The following ABCB7 variants were observed in gnomAD, a reference collection of about 807,000 sequenced individuals.
The protein encoded by ABCB7 is ATP binding cassette subfamily B member 7.
Under a neutral mutation model 54.4 loss-of-function variants are expected in ABCB7, and 7 were observed. That is an observed-to-expected ratio of 0.13 (90% CI 0.07 to 0.24). ABCB7 has a LOEUF of 0.24. ABCB7 is among the 10% of genes least tolerant of loss of function. The probability of loss-of-function intolerance (pLI) is 1.00; values close to 1 mark genes in which losing one functional copy is unlikely to be tolerated. For missense variants in ABCB7, 356 were observed against 570.4 expected (o/e 0.62, Z 3.83); for synonymous variants, 218 against 207.1 (o/e 1.05, Z -0.45).
At chrX:75,118,753 G>A (rs915849384) in intron 1 of ABCB7, among the ~76,000 whole-genome samples, 1 of 111,718 alleles carries the variant, frequency 9.0e-6, no homozygotes, top group Non-Finnish European at 1.9e-5. Context: ...GCTCTGCTCT[G>A]CAGGTTTGGA....
chrX:75,086,861 G>A (rs970050886), intron 4 of ABCB7, among the ~76,000 whole-genome samples: 2 of 111,658 alleles, frequency 1.8e-5, no homozygotes, highest in African/African-American at 6.5e-5. Context: ...AGATGGTGAC[G>A]AAAACAACCT....
intron 1 of ABCB7, among the ~76,000 whole-genome samples, chrX:75,132,729 C>G (rs1302814913): frequency 8.9e-6 from 1 of 112,592 alleles, no homozygotes; most frequent in African/African-American, 3.2e-5. Context: ...AACTTCAACA[C>G]CAAAAATACC....
chrX:75,066,397 G>A (rs2147457796), intron 12 of ABCB7, among the ~76,000 whole-genome samples: 1 of 111,434 alleles, frequency 9.0e-6, no homozygotes, highest in African/African-American at 3.2e-5. Flanking sequence ...TAAGCTCATT[G>A]TATAAACAGA....
intron 10 of ABCB7, 144 bp from the exon 11 acceptor site, chrX:75,069,598 C>A: frequency 1.6e-6 from 1 of 619,751 alleles, no homozygotes; most frequent in Non-Finnish European, 2.5e-6. Flanking sequence ...TCCAAGCATG[C>A]ATTTAAAGAT....
At chrX:75,125,703 C>T (rs956083924) in intron 1 of ABCB7, among the ~76,000 whole-genome samples, 20 of 111,180 alleles carry the variant, frequency 1.8e-4, no homozygotes, top group Non-Finnish European at 2.6e-4. Context: ...ATTATCTCCC[C>T]GTGGTCTTAC....
chrX:75,064,927 T>C lies in ABCB7; in HGVS notation c.1831+143A>G, dbSNP rs769867049. On this transcript the variant is annotated intron_variant, in intron 13 of 15. Transcript: ENST00000373394. ...ATGTTGAATTGGTTATAGTGAGGGC[T>C]AGGAGATTAGTAACCCAATCAAATG... 4 of 676,447 alleles carry C rather than the reference T, an allele frequency of 5.9e-6. No homozygotes were observed. The East Asian group carries it at 1.4e-4, about 24-fold the overall frequency. 55.7% of individuals were successfully genotyped at this position (676,447 alleles called of 1,213,427 possible). A position where few individuals can be genotyped will look rare whatever the true frequency, so the allele number is the denominator to read the frequency against.
intron 15 of ABCB7, among the ~76,000 whole-genome samples, chrX:75,057,057 T>C (rs1219707813): frequency 8.9e-6 from 1 of 112,231 alleles, no homozygotes; most frequent in Non-Finnish European, 1.9e-5. Flanking sequence ...GTATTCAATT[T>C]TTATTTTTCC....
At chrX:75,137,504 T>C (rs2082018824) in intron 1 of ABCB7, among the ~76,000 whole-genome samples, 1 of 112,427 alleles carries the variant, frequency 8.9e-6, no homozygotes, top group South Asian at 3.7e-4. Context: ...AGAATTACCA[T>C]TCGATCCAGC....
chrX:75,099,700 C>A (rs2081622498), intron 3 of ABCB7, among the ~76,000 whole-genome samples: 2 of 110,791 alleles, frequency 1.8e-5, no homozygotes. Context: ...TTACTTTCAG[C>A]TTTAAAGGCA....
chrX:75,118,552 G>A (rs1264050482), intron 1 of ABCB7, among the ~76,000 whole-genome samples: 2 of 110,408 alleles, frequency 1.8e-5, no homozygotes, highest in Admixed American at 1.9e-4. Context: ...GAAACTTCAG[G>A]ACTAAGAAGT....
intron 4 of ABCB7, among the ~76,000 whole-genome samples, chrX:75,084,562 G>C (rs1414247034): frequency 7.2e-5 from 8 of 111,333 alleles, no homozygotes; most frequent in Non-Finnish European, 1.5e-4. Flanking sequence ...TAATGACCTT[G>C]AGTTAGGCAA....
chrX:75,065,553 T>C (rs2081311760), intron 12 of ABCB7, among the ~76,000 whole-genome samples: 1 of 111,814 alleles, frequency 8.9e-6, no homozygotes, highest in African/African-American at 3.3e-5. Context: ...TAACATATCA[T>C]AGAGATTGTC....
intron 3 of ABCB7, among the ~76,000 whole-genome samples, chrX:75,104,047 G>GTTTTTTTGTTT (rs2081663659): frequency 2.2e-4 from 3 of 13,443 alleles, no homozygotes; most frequent in African/African-American, 4.8e-4. Context: ...TCTTGTTACA[G>GTTTTTTTGTTT]TTTTTTTTTT....
chrX:75,154,877 G>A (rs1414266039), intron 1 of ABCB7, among the ~76,000 whole-genome samples: 4 of 109,345 alleles, frequency 3.7e-5, no homozygotes, highest in African/African-American at 1.3e-4. Flanking sequence ...GTTTGCTCCT[G>A]TAGAGGTGTT....
chrX:75,085,167 T>C (rs1442685253), intron 4 of ABCB7, among the ~76,000 whole-genome samples: 1 of 112,296 alleles, frequency 8.9e-6, no homozygotes, highest in Admixed American at 9.4e-5. Context: ...GCTCTAGTTA[T>C]AATCTATAAT....
At chrX:75,120,474 TG>T (rs2081867278) in intron 1 of ABCB7, among the ~76,000 whole-genome samples, 2 of 109,689 alleles carry the variant, frequency 1.8e-5, no homozygotes, top group Non-Finnish European at 3.8e-5. Context: ...CCGGGTGTGG[TG>T]GTGGGTGCCT....
intron 1 of ABCB7, among the ~76,000 whole-genome samples, chrX:75,126,728 C>T (rs1236872830): frequency 9.0e-6 from 1 of 111,265 alleles, no homozygotes; most frequent in East Asian, 2.8e-4. Flanking sequence ...AAGGGGATAT[C>T]ACCACTGATT....
At chrX:75,099,754 T>C (rs1483258267) in intron 3 of ABCB7, among the ~76,000 whole-genome samples, 1 of 110,940 alleles carries the variant, frequency 9.0e-6, no homozygotes, top group Non-Finnish European at 1.9e-5. Flanking sequence ...CCAAACTAAG[T>C]AGACCAATAC....
At chrX:75,064,121 T>C (rs2147454619) in intron 13 of ABCB7, among the ~76,000 whole-genome samples, 1 of 111,797 alleles carries the variant, frequency 8.9e-6, no homozygotes, top group East Asian at 2.8e-4. Flanking sequence ...CCCAATCAAC[T>C]TAACTTGGAA....
Sources: allele counts gnomAD v4.1 joint callset (sites outside exome capture counted in the v4.1 genomes callset), GRCh38; gene constraint gnomAD v4.1.1; transcripts MANE v1.5; gene names NCBI Gene and HGNC (gene_info 2026-07-23, HGNC 2026-07-21).